Variants in SLC23A2 observed in about 807,000 individuals in gnomAD.
SLC23A2 encodes solute carrier family 23 member 2, also known as Na(+)/L-ascorbic acid transporter 2.
Under a neutral mutation model 73.3 loss-of-function variants are expected in SLC23A2, and 36 were observed. The observed-to-expected ratio is 0.49, with a 90% confidence interval of 0.38 to 0.65. The LOEUF (loss-of-function observed/expected upper bound fraction) is 0.65. Ranked by LOEUF, SLC23A2 falls within the 30% of genes least tolerant of loss-of-function variation. SLC23A2 has a pLI of 0.00. For synonymous variants in SLC23A2, 343 were observed against 327.3 expected (o/e 1.05, Z -0.52); for missense variants, 507 against 841.6 (o/e 0.60, Z 4.92).
intron 6 of SLC23A2, among the ~76,000 whole-genome samples, chr20:4,886,249 C>T (rs1028100457): frequency 6.6e-6 from 1 of 152,230 alleles, no homozygotes; most frequent in African/African-American, 2.4e-5. Flanking sequence ...TCCTGCTGAG[C>T]TTATAAACTC....
intron 10 of SLC23A2, 122 bp from the exon 11 acceptor site, chr20:4,874,214 C>CGTCTT (rs3055035): frequency 0.3 from 252,914 of 847,948 alleles, 40,145 homozygotes; most frequent in African/African-American, 0.4. Flanking sequence ...ACTTTGCAGA[C>CGTCTT]CTTCCTTGAA....
chr20:4,982,609 A>T (rs767887836), intron 1 of SLC23A2, among the ~76,000 whole-genome samples: 10 of 152,180 alleles, frequency 6.6e-5, no homozygotes, highest in Non-Finnish European at 1.3e-4. Context: ...CCATTTCAAA[A>T]GTAATATGAA....
chr20:4,929,858 T>C (rs886666150), intron 3 of SLC23A2, among the ~76,000 whole-genome samples: 5 of 152,034 alleles, frequency 3.3e-5, no homozygotes, highest in African/African-American at 9.7e-5. Flanking sequence ...TAAAGAGAAA[T>C]GAGGACAGGC....
At chr20:4,898,933 T>C (rs572963052) in intron 6 of SLC23A2, among the ~76,000 whole-genome samples, 2 of 152,226 alleles carry the variant, frequency 1.3e-5, no homozygotes, top group South Asian at 2.1e-4. Flanking sequence ...GGATGAGCTG[T>C]TGTGTGCCAG....
chr20:4,996,685 CAAAAAA>C (rs1555809857), intron 1 of SLC23A2, among the ~76,000 whole-genome samples: 6 of 54,780 alleles, frequency 1.1e-4, no homozygotes, highest in African/African-American at 4.3e-4. Flanking sequence ...GATTCCATCT[CAAAAAA>C]AAAAAAAAAA....
Position 4,889,735 on chromosome 20 carries a change from C to T in SLC23A2, c.483-3826G>A, listed in dbSNP as rs183378737. Among the ~76,000 whole-genome samples the T allele has an allele frequency of 1.4e-4, 21 of 152,068 alleles. No individual in the cohort carries two copies. The East Asian group carries it at 4.1e-3, about 29-fold the overall frequency. On this transcript the variant is annotated intron_variant, in intron 6 of 16. Coordinates refer to ENST00000338244, the MANE Select transcript of SLC23A2 (RefSeq NM_005116.6). The stretch of plus-strand genomic sequence containing the variant: ...ACCTTGAGGCGGGCATCCCCCGATA[C>T]TAGGAAGTGGACTGGCTTCACCCAC...
At chr20:4,995,572 C>A (rs1002354623) in intron 1 of SLC23A2, among the ~76,000 whole-genome samples, 1 of 152,178 alleles carries the variant, frequency 6.6e-6, no homozygotes, top group African/African-American at 2.4e-5. Context: ...CCACCCTTTG[C>A]TCACACTGAT....
chr20:4,979,091 G>A (rs556279294), intron 1 of SLC23A2, among the ~76,000 whole-genome samples: 12 of 152,126 alleles, frequency 7.9e-5, no homozygotes, highest in African/African-American at 2.4e-4. Flanking sequence ...TCAGGAGTTC[G>A]AGACCAGCCT....
chr20:4,880,497 C>T (rs959452926), intron 9 of SLC23A2, among the ~76,000 whole-genome samples: 37 of 151,960 alleles, frequency 2.4e-4, no homozygotes, highest in African/African-American at 8.7e-4. Flanking sequence ...CCCAAGGATA[C>T]AGAAGAGCTC....
At chr20:4,944,398 C>T (rs2087085985) in intron 2 of SLC23A2, among the ~76,000 whole-genome samples, 1 of 152,120 alleles carries the variant, frequency 6.6e-6, no homozygotes, top group African/African-American at 2.4e-5. Context: ...CCCACCACAC[C>T]CGGCTAATTT....
chr20:4,926,475 C>T (rs118066694), intron 3 of SLC23A2, among the ~76,000 whole-genome samples: 3,022 of 150,860 alleles, frequency 0.02, 64 homozygotes, highest in Non-Finnish European at 0.029. Flanking sequence ...GGATCAATGT[C>T]CCTAGGGTAC....
At chr20:4,908,255 C>T (rs1381135831) in intron 4 of SLC23A2, among the ~76,000 whole-genome samples, 1 of 152,138 alleles carries the variant, frequency 6.6e-6, no homozygotes, top group Non-Finnish European at 1.5e-5. Context: ...ACACATGGGT[C>T]TTGAGCATGT....
chr20:4,975,917 G>C (rs1225509756), intron 1 of SLC23A2, among the ~76,000 whole-genome samples: 2 of 145,868 alleles, frequency 1.4e-5, no homozygotes, highest in African/African-American at 2.5e-5. Context: ...GCAGTGGCGC[G>C]ATCTCGGCTC....
intron 3 of SLC23A2, among the ~76,000 whole-genome samples, chr20:4,927,163 CGAA>C (rs1932702717): frequency 6.6e-6 from 1 of 152,054 alleles, no homozygotes; most frequent in South Asian, 2.1e-4. Flanking sequence ...GTGCAACTAA[CGAA>C]GTGAATTTCA....
upstream of SLC23A2, among the ~76,000 whole-genome samples, chr20:5,003,802 C>G (rs2088160740): frequency 6.6e-6 from 1 of 152,114 alleles, no homozygotes; most frequent in Admixed American, 6.6e-5. Flanking sequence ...CACTGTCCCT[C>G]CCTGTTTTAT....
rs1847465004 is a variant in SLC23A2, at chr20:4,857,980, ACT to A, written c.1721-778_1721-777del. On this transcript the variant is annotated intron_variant, in intron 16 of 16. Transcript: ENST00000338244. This position sits in a 1 kb window ranked among gnomAD's most constrained non-coding sequence, Gnocchi z 4.0. The stretch of plus-strand genomic sequence containing the variant: ...ACAAACAACAAAACACACAAAACAA[ACT>A]CTGTAAAATGTAAATCTGAGTCAAA... Among the ~76,000 whole-genome samples, 2 of 151,858 alleles carry A rather than the reference ACT, an allele frequency of 1.3e-5. No individual in the cohort carries two copies. The highest frequency in any genetic ancestry group is 1.9e-4 in the East Asian group (1 of 5,168).
At chr20:4,920,728 C>T (rs1209435692) in intron 3 of SLC23A2, among the ~76,000 whole-genome samples, 2 of 152,172 alleles carry the variant, frequency 1.3e-5, no homozygotes, top group South Asian at 2.1e-4. Flanking sequence ...TCTGTAGATA[C>T]AGACACTTCC....
chr20:4,915,353 TA>T (rs201901483), intron 3 of SLC23A2, among the ~76,000 whole-genome samples: 2 of 151,622 alleles, frequency 1.3e-5, no homozygotes, highest in Non-Finnish European at 2.9e-5. Context: ...ATGGATAATT[TA>T]AAAAAAAAGA....
At position 4,857,277 on chromosome 20, in the gene SLC23A2, AACACATACACACACACAC is replaced by A. The variant is rs1929750972; in HGVS notation, c.1721-91_1721-74del. On this transcript the variant is annotated intron_variant, in intron 16 of 16. Transcript: ENST00000338244. This position sits in a 1 kb window ranked among gnomAD's most constrained non-coding sequence, Gnocchi z 4.0. ...TCTACTGAAAATGAAACTGTCGTCA[AACACATACACACACACAC>A]ACACACACACACACACACACACACA... 14 of 590,064 alleles carry A rather than the reference AACACATACACACACACAC, an allele frequency of 2.4e-5. No homozygotes were observed. The highest frequency in any genetic ancestry group is 3.5e-5 in the Non-Finnish European group (12 of 342,038). The allele number at this position is 590,064 out of a possible 1,614,324, so 36.6% of individuals were successfully genotyped here.
Sources: gnomAD v4.1 joint callset for allele counts (sites outside exome capture counted in the v4.1 genomes callset) on GRCh38, gnomAD v4.1.1 for gene constraint, Gnocchi (gnomAD v3.1) non-coding constraint, MANE v1.5 for transcripts, NCBI Gene and HGNC (gene_info 2026-07-23, HGNC 2026-07-21) for gene names.